Variants in MYO1E observed in about 807,000 individuals in gnomAD.
The protein encoded by MYO1E is unconventional myosin-Ie.
MYO1E carries 68 observed loss-of-function variants against 151.1 expected under a neutral mutation model. That is an observed-to-expected ratio of 0.45 (90% CI 0.37 to 0.55). The LOEUF is 0.55. Ranked by LOEUF, MYO1E falls within the 20% of genes least tolerant of loss-of-function variation. The pLI is 0.00. For missense variants in MYO1E, 1,363 were observed against 1,389.3 expected (o/e 0.98, Z 0.30); for synonymous variants, 601 against 501.7 (o/e 1.20, Z -2.64).
At chr15:59,257,245 T>C (rs1405323006) in intron 3 of MYO1E, among the ~76,000 whole-genome samples, 1 of 152,138 alleles carries the variant, frequency 6.6e-6, no homozygotes, top group Non-Finnish European at 1.5e-5. Flanking sequence ...CCAAGCTACT[T>C]GGTAGGCTGA....
intron 22 of MYO1E, among the ~76,000 whole-genome samples, chr15:59,167,921 G>A (rs796399949): frequency 2.4e-4 from 36 of 152,046 alleles, no homozygotes; most frequent in African/African-American, 6.5e-4. Context: ...TCAAGCAATC[G>A]GCTCGCCTCG....
At chr15:59,330,211 T>C (rs1401998783) in intron 1 of MYO1E, among the ~76,000 whole-genome samples, 1 of 152,072 alleles carries the variant, frequency 6.6e-6, no homozygotes, top group African/African-American at 2.4e-5. Flanking sequence ...TGAAGGAGAA[T>C]TTTTTTAAGG....
chr15:59,268,725 T>TTTTTTTTTTTTC, intron 2 of MYO1E, among the ~76,000 whole-genome samples: 1 of 115,580 alleles, frequency 8.7e-6, no homozygotes, highest in African/African-American at 4.4e-5. Flanking sequence ...TTGGTATTTT[T>TTTTTTTTTTTTC]TTTTTTTTTT....
chr15:59,282,093 C>T lies in MYO1E; in HGVS notation c.4-9644G>A, dbSNP rs143975440. On this transcript the variant is annotated intron_variant, in intron 1 of 27. Coordinates refer to ENST00000288235, the MANE Select transcript of MYO1E (RefSeq NM_004998.4). ...GACACACTGGCATTCCCTATTGGGC[C>T]TTTTCTTGTCAATTTCAAGTCCAGC... Among the ~76,000 whole-genome samples the T allele has an allele frequency of 7.6e-4, 115 of 152,302 alleles. 1 individual carries two copies. The East Asian group carries it at 0.019, about 25-fold the overall frequency.
At chr15:59,352,652 T>C (rs1183142611) in intron 1 of MYO1E, among the ~76,000 whole-genome samples, 1 of 152,212 alleles carries the variant, frequency 6.6e-6, no homozygotes, top group Non-Finnish European at 1.5e-5. Context: ...AATACTAATA[T>C]GTACTTTAAA....
At chr15:59,229,811 T>C (rs2080015454) in intron 6 of MYO1E, among the ~76,000 whole-genome samples, 1 of 152,166 alleles carries the variant, frequency 6.6e-6, no homozygotes, top group African/African-American at 2.4e-5. Context: ...AAATAATTAC[T>C]GTCATAGATG....
intron 26 of MYO1E, among the ~76,000 whole-genome samples, chr15:59,149,258 G>A (rs981843008): frequency 6.6e-6 from 1 of 152,084 alleles, no homozygotes; most frequent in South Asian, 2.1e-4. Context: ...GGGTTTCACC[G>A]TGTTAATCAG....
chr15:59,361,414 T>C (rs1422969000), intron 1 of MYO1E, among the ~76,000 whole-genome samples: 1 of 152,198 alleles, frequency 6.6e-6, no homozygotes, highest in East Asian at 1.9e-4. Flanking sequence ...CTTTACACAA[T>C]AGTCAGTGGG....
At chr15:59,158,843 G>A (rs1053819181) in intron 24 of MYO1E, among the ~76,000 whole-genome samples, 1 of 152,136 alleles carries the variant, frequency 6.6e-6, no homozygotes, top group East Asian at 1.9e-4. Flanking sequence ...TGTGTTCTAC[G>A]GTCCTTGAAC....
rs118012522 is a variant in MYO1E at position 59,227,607 on chromosome 15, G to A, written c.511-17C>T. 9.9e-4 allele frequency: 1,599 copies of A among 1,613,892 alleles called. 2 individuals carry two copies. The Middle Eastern group carries it at 0.01, about 10-fold the overall frequency. ...GTATTTTCCCTGCAAGAAAGTTAGG[G>A]ATTTCCTTCAATGGTTGGTGAACAA... On this transcript the variant is annotated splice_polypyrimidine_tract_variant and intron_variant, in intron 6 of 27. Transcript: ENST00000288235.
At chr15:59,329,970 A>G (rs1394872106) in intron 1 of MYO1E, among the ~76,000 whole-genome samples, 1 of 152,166 alleles carries the variant, frequency 6.6e-6, no homozygotes, top group African/African-American at 2.4e-5. Flanking sequence ...ACTGCAAAAT[A>G]CCTTCTTAGA....
At chr15:59,261,865 G>A (rs1403076533) in intron 2 of MYO1E, among the ~76,000 whole-genome samples, 1 of 152,154 alleles carries the variant, frequency 6.6e-6, no homozygotes, top group East Asian at 1.9e-4. Flanking sequence ...CAAATGATAT[G>A]CATTTTTTCC....
chr15:59,229,914 C>T (rs1216948122), intron 6 of MYO1E, among the ~76,000 whole-genome samples: 2 of 151,444 alleles, frequency 1.3e-5, no homozygotes, highest in African/African-American at 4.9e-5. Context: ...GTTCTGTAAT[C>T]TGTTTTTTTA....
At chr15:59,366,891 A>G (rs1346931857) in intron 1 of MYO1E, among the ~76,000 whole-genome samples, 2 of 152,048 alleles carry the variant, frequency 1.3e-5, no homozygotes, top group Non-Finnish European at 2.9e-5. Flanking sequence ...TTTACTTTGT[A>G]AATATTTCAG....
chr15:59,312,516 T>C (rs1412268163), intron 1 of MYO1E, among the ~76,000 whole-genome samples: 1 of 152,128 alleles, frequency 6.6e-6, no homozygotes, highest in Non-Finnish European at 1.5e-5. Context: ...ATTCTTTGTT[T>C]TTTAAGAGAC....
At chr15:59,365,022 ATTTC>A (rs1231385648) in intron 1 of MYO1E, among the ~76,000 whole-genome samples, 2 of 150,372 alleles carry the variant, frequency 1.3e-5, no homozygotes, top group African/African-American at 2.4e-5. Context: ...ATTATTCTAA[ATTTC>A]TTTTTCTTTT....
intron 4 of MYO1E, among the ~76,000 whole-genome samples, chr15:59,238,195 A>T (rs2080078307): frequency 1.3e-5 from 2 of 152,328 alleles, no homozygotes; most frequent in African/African-American, 4.8e-5. Context: ...CCATGGGGAA[A>T]TTATCTTTTC....
At chr15:59,236,075 T>C (rs1052609505) in intron 5 of MYO1E, among the ~76,000 whole-genome samples, 5 of 152,062 alleles carry the variant, frequency 3.3e-5, no homozygotes, top group Non-Finnish European at 7.4e-5. Context: ...CCTTAAAATA[T>C]GCTATTCCTT....
At chr15:59,253,917 T>TTTTTTTTTTTTTTTTTTTTTTTTTTTA (rs57506446) in intron 4 of MYO1E, among the ~76,000 whole-genome samples, 1 of 150,098 alleles carries the variant, frequency 6.7e-6, no homozygotes, top group Admixed American at 6.6e-5. Context: ...TTTTTTTTTT[T>TTTTTTTTTTTTTTTTTTTTTTTTTTTA]AACAAAGCCA....
Sources: gnomAD v4.1 joint callset for allele counts (sites outside exome capture counted in the v4.1 genomes callset) on GRCh38, gnomAD v4.1.1 for gene constraint, MANE v1.5 for transcripts, NCBI Gene and HGNC (gene_info 2026-07-23, HGNC 2026-07-21) for gene names.